Variants in PNKD observed in about 807,000 individuals in gnomAD.
PNKD encodes probable thioesterase PNKD.
PNKD carries 36 observed loss-of-function variants against 45.3 expected under a neutral mutation model. The ratio of observed to expected loss-of-function variants is 0.80; its 90% confidence interval spans 0.61 to 1.05. The LOEUF is 1.05. Ranked by LOEUF, PNKD falls within the 50% of genes least tolerant of loss-of-function variation. The pLI, the probability that PNKD is intolerant of heterozygous loss-of-function variation, is 0.00. For missense variants in PNKD, 511 were observed against 506.6 expected (o/e 1.01, Z -0.08); for synonymous variants, 197 against 210.1 (o/e 0.94, Z 0.54).
At chr2:218,337,815 A>C (rs1348514987) in intron 2 of PNKD, among the ~76,000 whole-genome samples, 1 of 152,124 alleles carries the variant, frequency 6.6e-6, no homozygotes, top group Non-Finnish European at 1.5e-5. Flanking sequence ...CTGTCCTATC[A>C]GGCTCCACTT....
rs1169738023 is a variant in PNKD, at chr2:218,272,918, TAA to T, written c.236+1371_236+1372del. The T allele has an allele frequency of 2.6e-6, 4 of 1,522,936 alleles. No individual in the cohort carries two copies. The African/African-American group carries it at 4.1e-5, about 16-fold the overall frequency. 94.3% of individuals were successfully genotyped at this position (1,522,936 alleles called of 1,614,324 possible). ...CACCAAGGAGCCAGCCAAAGGCAAA[TAA>T]AGTTATTGAGTGTTTAGTAGAAAGG... On this transcript the variant is annotated intron_variant, in intron 2 of 9. Transcript: ENST00000273077.
intron 2 of PNKD, chr2:218,323,474 C>T (rs1479357722): frequency 1.5e-6 from 2 of 1,300,088 alleles, no homozygotes; most frequent in Admixed American, 2.6e-5. Context: ...GGGAGGCGGG[C>T]GCGCTGGGAG....
At chr2:218,341,188 G>C (rs993834901) in intron 5 of PNKD, among the ~76,000 whole-genome samples, 4 of 152,230 alleles carry the variant, frequency 2.6e-5, no homozygotes, top group Admixed American at 2.6e-4. Context: ...AACATAGTGA[G>C]ACCTTGTCTT....
At chr2:218,277,319 A>G (rs1691318925) in intron 2 of PNKD, 1 of 1,572,854 alleles carries the variant, frequency 6.4e-7, no homozygotes, top group South Asian at 1.1e-5. Flanking sequence ...CGGGCCTGAT[A>G]AGAAAGGGGA....
At chr2:218,343,450 A>C (rs979105502) in intron 7 of PNKD, 50 bp from the exon 8 acceptor site, 1 of 1,413,384 alleles carries the variant, frequency 7.1e-7, no homozygotes, top group Non-Finnish European at 1.0e-6. Flanking sequence ...GCCTTATGCC[A>C]TATTGTGTTA....
At chr2:218,276,180 G>C in intron 2 of PNKD, 2 of 1,292,676 alleles carry the variant, frequency 1.5e-6, no homozygotes, top group East Asian at 2.5e-5. Context: ...AGTGGGTAGA[G>C]CTGGGAAGCT....
chr2:218,310,406 T>C (rs192903910), intron 2 of PNKD, among the ~76,000 whole-genome samples: 62 of 151,152 alleles, frequency 4.1e-4, no homozygotes, highest in African/African-American at 1.4e-3. Context: ...TTATTTTTAG[T>C]AGAGATGGGG....
rs35553031 is a variant in PNKD at position 218,319,371 on chromosome 2, C to CTTTTTTT, written c.237-20396_237-20390dup. ...CCTGGGGACTGTCTTTCTTGTTTGT[C>CTTTTTTT]TTTTTTTTTTTTTTTTTTTTTTGAG... is the stretch of plus-strand genomic sequence containing the variant. On this transcript the variant is annotated intron_variant, in intron 2 of 9. Transcript: ENST00000273077. 3.0e-4 allele frequency among the ~76,000 whole-genome samples: 24 copies of CTTTTTTT among 80,192 alleles called. 1 individual carries two copies. The highest frequency in any genetic ancestry group is 5.0e-4 in the South Asian group (1 of 1,992). 52.6% of individuals were successfully genotyped at this position (80,192 alleles called of 152,430 possible).
chr2:218,292,305 G>A (rs957159503), intron 2 of PNKD, among the ~76,000 whole-genome samples: 3 of 152,126 alleles, frequency 2.0e-5, no homozygotes, highest in African/African-American at 7.2e-5. Flanking sequence ...GGGCCAGGAG[G>A]GGAGATCCCC....
intron 2 of PNKD, among the ~76,000 whole-genome samples, chr2:218,317,428 A>G (rs898182039): frequency 6.6e-6 from 1 of 152,226 alleles, no homozygotes; most frequent in Non-Finnish European, 1.5e-5. Context: ...AGGAAGACTA[A>G]AAACAGGTGT....
At chr2:218,296,416 T>C (rs989964671) in intron 2 of PNKD, among the ~76,000 whole-genome samples, 5 of 151,512 alleles carry the variant, frequency 3.3e-5, no homozygotes, top group Non-Finnish European at 5.9e-5. Flanking sequence ...TAGTGATTGG[T>C]GGGAGGGGGT....
intron 2 of PNKD, among the ~76,000 whole-genome samples, chr2:218,335,051 C>T (rs1237794012): frequency 6.6e-6 from 1 of 151,976 alleles, no homozygotes; most frequent in Non-Finnish European, 1.5e-5. Context: ...ACTCGGGATA[C>T]TGAGGTGGAA....
At chr2:218,336,126 A>T (rs891747129) in intron 2 of PNKD, among the ~76,000 whole-genome samples, 19 of 147,232 alleles carry the variant, frequency 1.3e-4, no homozygotes, top group African/African-American at 4.8e-4. Flanking sequence ...GAGGCAAGAG[A>T]ATCACTTGAA....
chr2:218,325,293 C>T (rs564612107), intron 2 of PNKD, among the ~76,000 whole-genome samples: 22 of 147,222 alleles, frequency 1.5e-4, no homozygotes, highest in African/African-American at 4.5e-4. Flanking sequence ...CTGCAACCTC[C>T]GCCTCCCGGG....
At chr2:218,290,644 C>A (rs932909548) in intron 2 of PNKD, among the ~76,000 whole-genome samples, 2 of 152,266 alleles carry the variant, frequency 1.3e-5, no homozygotes, top group Non-Finnish European at 2.9e-5. Context: ...CCTAACCTCA[C>A]CTCTGTGCAA....
chr2:218,334,850 T>A, intron 2 of PNKD: 2 of 679,190 alleles, frequency 2.9e-6, no homozygotes, highest in South Asian at 1.6e-5. Context: ...GGAGATACTT[T>A]GAGATTATGC....
intron 2 of PNKD, chr2:218,279,337 G>A: frequency 6.3e-7 from 1 of 1,585,660 alleles, no homozygotes; most frequent in South Asian, 1.2e-5. Context: ...CAGCTGCACG[G>A]AGATGATGGA....
intron 2 of PNKD, among the ~76,000 whole-genome samples, chr2:218,330,762 T>C (rs1018349748): frequency 6.6e-6 from 1 of 152,254 alleles, no homozygotes; most frequent in African/African-American, 2.4e-5. Flanking sequence ...AGAATCTTTT[T>C]GTTTAACCAG....
At chr2:218,305,159 C>T (rs887204189) in intron 2 of PNKD, among the ~76,000 whole-genome samples, 80 of 152,274 alleles carry the variant, frequency 5.3e-4, no homozygotes, top group African/African-American at 1.9e-3. Flanking sequence ...GGGCTGTGCG[C>T]AGGCCTTGTG....
Sources: allele counts gnomAD v4.1 joint callset (sites outside exome capture counted in the v4.1 genomes callset), GRCh38; gene constraint gnomAD v4.1.1; transcripts MANE v1.5; gene names NCBI Gene and HGNC (gene_info 2026-07-23, HGNC 2026-07-21).